Variants in AGAP1 observed in about 807,000 individuals in gnomAD.
AGAP1 encodes arf-GAP with GTPase, ANK repeat and PH domain-containing protein 1.
Under a neutral mutation model 105.3 loss-of-function variants are expected in AGAP1, and 29 were observed. The ratio of observed to expected loss-of-function variants is 0.28; its 90% confidence interval spans 0.21 to 0.38. The LOEUF (loss-of-function observed/expected upper bound fraction) is 0.38. Ranked by LOEUF, AGAP1 falls within the 10% of genes least tolerant of loss-of-function variation. The pLI is 1.00. For synonymous variants in AGAP1, 509 were observed against 485.9 expected, an observed-to-expected ratio of 1.05 and a Z score of -0.63; for missense variants, 998 against 1,165.1, an observed-to-expected ratio of 0.86 and a Z score of 2.09.
Position 235,633,192 on chromosome 2 carries a change from G to A in AGAP1, c.164-75987G>A, listed in dbSNP as rs546267602. On this transcript the variant is annotated intron_variant, in intron 1 of 17. Coordinates refer to ENST00000304032, the MANE Select transcript of AGAP1 (RefSeq NM_001037131.3). This position sits in a 1 kb window ranked among gnomAD's most constrained non-coding sequence, Gnocchi z 4.8. ...TACATTTACTTGATCCTGGTTTTAC[G>A]GCATGCGGGAGCCTACGGAATGAAG... 3.3e-5 allele frequency among the ~76,000 whole-genome samples: 5 copies of A among 152,210 alleles called. No individual in the cohort carries two copies. The South Asian group carries it at 1.0e-3, about 32-fold the overall frequency.
chr2:235,585,103 T>G (rs1945063508), intron 1 of AGAP1, among the ~76,000 whole-genome samples: 1 of 152,070 alleles, frequency 6.6e-6, no homozygotes, highest in African/African-American at 2.4e-5. Flanking sequence ...TTCCCTCTCT[T>G]GGCTGTGGAT....
At chr2:235,630,297 T>G (rs1163114935) in intron 1 of AGAP1, among the ~76,000 whole-genome samples, 1 of 152,110 alleles carries the variant, frequency 6.6e-6, no homozygotes, top group Non-Finnish European at 1.5e-5. Flanking sequence ...CACTGCAACC[T>G]CTGCTTCCCG....
rs10176836 is a variant in AGAP1, at chr2:235,976,392, G to A, written c.1645+7769G>A. ...CGGCCGCCACAAACACACACAAGCA[G>A]TAAGCGCTCTCAGATCCTTTGTGGA... is the stretch of plus-strand genomic sequence containing the variant. On this transcript the variant is annotated intron_variant, in intron 13 of 17. Coordinates refer to ENST00000304032, the MANE Select transcript of AGAP1 (RefSeq NM_001037131.3). This position sits in a 1 kb window ranked among gnomAD's most constrained non-coding sequence, Gnocchi z 4.5. Among the ~76,000 whole-genome samples, 237 of 152,232 alleles carry A rather than the reference G, an allele frequency of 1.6e-3. No homozygotes were observed. The highest frequency in any genetic ancestry group is 5.4e-3 in the African/African-American group (224 of 41,556).
At chr2:235,698,283 TCA>T (rs1301456654) in intron 1 of AGAP1, among the ~76,000 whole-genome samples, 1 of 141,800 alleles carries the variant, frequency 7.1e-6, no homozygotes, top group Non-Finnish European at 1.5e-5. Context: ...CTTTGCTTGC[TCA>T]CACGCTGCTC....
chr2:235,888,664 C>T lies in AGAP1; in HGVS notation c.1155+5215C>T, dbSNP rs901698571. On this transcript the variant is annotated intron_variant, in intron 10 of 17. Transcript: ENST00000304032. The surrounding 1 kb of genome is among the most constrained non-coding windows in gnomAD (Gnocchi z 4.8). ...GCTTCACAGTGAGCTATGATCGTGC[C>T]ACTGCACTCCAGCTTGGGCGACCAT... 6.6e-6 allele frequency among the ~76,000 whole-genome samples: 1 copy of T among 151,876 alleles called. No homozygotes were observed. The highest frequency in any genetic ancestry group is 2.4e-5 in the African/African-American group (1 of 41,324).
chr2:236,017,309 T>A (rs1192173859), intron 13 of AGAP1, among the ~76,000 whole-genome samples: 7 of 144,248 alleles, frequency 4.9e-5, no homozygotes, highest in Non-Finnish European at 1.1e-4. Context: ...AAAAAAAAAA[T>A]ACATTACAGA....
chr2:235,662,183 G>A lies in AGAP1; in HGVS notation c.164-46996G>A, dbSNP rs1363876570. Among the ~76,000 whole-genome samples the A allele has an allele frequency of 6.6e-6, 1 of 152,122 alleles. No individual in the cohort carries two copies. Among genetic ancestry groups the A allele is most frequent in the African/African-American group, 2.4e-5 (1 of 41,444 alleles). On this transcript the variant is annotated intron_variant, in intron 1 of 17. Transcript: ENST00000304032. The surrounding 1 kb of genome is among the most constrained non-coding windows in gnomAD (Gnocchi z 4.2). ...GGAGTGGCTGTAAGGCCGTGACCAG[G>A]AAAAAAGGGACCCAGGGTGGTGGCA...
chr2:235,517,530 A>G lies in AGAP1; in HGVS notation c.163+22681A>G, dbSNP rs929806920. 3.3e-5 allele frequency among the ~76,000 whole-genome samples: 5 copies of G among 152,222 alleles called. No individual in the cohort carries two copies. Among genetic ancestry groups the G allele is most frequent in the African/African-American group, 1.2e-4 (5 of 41,448 alleles). ...TTTTTACTGGAAAGAAGTAGCAGCC[A>G]TGAGGCAGGAGATCCTCTTTACTTT... is the stretch of plus-strand genomic sequence containing the variant. On this transcript the variant is annotated intron_variant, in intron 1 of 17. Transcript: ENST00000304032. This position sits in a 1 kb window ranked among gnomAD's most constrained non-coding sequence, Gnocchi z 4.1.
intron 1 of AGAP1, among the ~76,000 whole-genome samples, chr2:235,503,459 A>G (rs988703570): frequency 6.6e-6 from 1 of 152,066 alleles, no homozygotes; most frequent in Non-Finnish European, 1.5e-5. Flanking sequence ...ATTGGCGGGG[A>G]ACAGCATTGT....
At chr2:235,509,175 C>G (rs1941961563) in intron 1 of AGAP1, among the ~76,000 whole-genome samples, 1 of 152,188 alleles carries the variant, frequency 6.6e-6, no homozygotes, top group South Asian at 2.1e-4. Flanking sequence ...AATGCTTTTT[C>G]TACACTTACT....
intron 9 of AGAP1, among the ~76,000 whole-genome samples, chr2:235,821,709 C>G (rs1023062264): frequency 6.6e-6 from 1 of 152,080 alleles, no homozygotes; most frequent in African/African-American, 2.4e-5. Flanking sequence ...AGTAACTTAT[C>G]TATAGGCCTT....
intron 16 of AGAP1, among the ~76,000 whole-genome samples, chr2:236,103,618 G>A (rs139564456): frequency 6.5e-4 from 97 of 148,974 alleles, no homozygotes; most frequent in African/African-American, 2.2e-3. Context: ...GTCCAGAGCC[G>A]GAGTGCAATG....
intron 10 of AGAP1, among the ~76,000 whole-genome samples, chr2:235,892,929 C>T (rs541232046): frequency 7.9e-5 from 12 of 152,234 alleles, no homozygotes; most frequent in African/African-American, 1.4e-4. Context: ...AAAAGACAGA[C>T]CTCCCTTTCT....
chr2:235,563,798 G>A (rs1031454491), intron 1 of AGAP1, among the ~76,000 whole-genome samples: 1 of 152,174 alleles, frequency 6.6e-6, no homozygotes, highest in African/African-American at 2.4e-5. Context: ...GCACTGTGCT[G>A]GCTGCTGAAT....
intron 1 of AGAP1, among the ~76,000 whole-genome samples, chr2:235,602,587 A>C (rs1945766149): frequency 6.6e-6 from 1 of 152,176 alleles, no homozygotes; most frequent in Non-Finnish European, 1.5e-5. Flanking sequence ...CCCTTCCTTC[A>C]AGCCTTTGCT....
At chr2:235,674,369 T>C (rs952866800) in intron 1 of AGAP1, among the ~76,000 whole-genome samples, 8 of 152,194 alleles carry the variant, frequency 5.3e-5, no homozygotes, top group African/African-American at 1.7e-4. Context: ...AAATGATAAA[T>C]GACATTGTAG....
Position 236,038,819 on chromosome 2 carries a change from ATGTG to A in AGAP1, c.1801-1905_1801-1902del, listed in dbSNP as rs3030744. ...GAGAGACAGAGGCACATCCCTTTGT[ATGTG>A]TGTGTGTGTGTGTGTGTGTGTGTGT... On this transcript the variant is annotated intron_variant, in intron 14 of 17. Coordinates refer to ENST00000304032, the MANE Select transcript of AGAP1 (RefSeq NM_001037131.3). This position sits in a 1 kb window ranked among gnomAD's most constrained non-coding sequence, Gnocchi z 4.5. Among the ~76,000 whole-genome samples, 3,887 of 95,714 alleles carry A rather than the reference ATGTG, an allele frequency of 0.041. 117 individuals are homozygous for A. The highest frequency in any genetic ancestry group is 0.087 in the African/African-American group (3,002 of 34,620). 62.8% of individuals were successfully genotyped at this position (95,714 alleles called of 152,430 possible). A position where few individuals can be genotyped will look rare whatever the true frequency, so the allele number is the denominator to read the frequency against.
chr2:235,812,047 G>A (rs554891200), intron 9 of AGAP1, among the ~76,000 whole-genome samples: 23 of 152,260 alleles, frequency 1.5e-4, no homozygotes, highest in South Asian at 6.2e-4. Context: ...TGCGATGCCC[G>A]CCAAGGTGCT....
Position 235,747,476 on chromosome 2 carries a change from C to G in AGAP1, c.538+2637C>G, listed in dbSNP as rs938067410. ...ACAGGTAAGCTGGCCCCACGCCCTCCCGGGGTGAGCAGGTAAGCGGGCCCC... is the reference window on the plus strand; with the variant it reads ...ACAGGTAAGCTGGCCCCACGCCCTCGCGGGGTGAGCAGGTAAGCGGGCCCC... On this transcript the variant is annotated intron_variant, in intron 5 of 17. Transcript: ENST00000304032. This position sits in a 1 kb window ranked among gnomAD's most constrained non-coding sequence, Gnocchi z 5.0. 6.6e-6 allele frequency among the ~76,000 whole-genome samples: 1 copy of G among 151,898 alleles called. No individual in the cohort carries two copies. The highest frequency in any genetic ancestry group is 2.4e-5 in the African/African-American group (1 of 41,272).
Sources: gnomAD v4.1 joint callset for allele counts (sites outside exome capture counted in the v4.1 genomes callset) on GRCh38, gnomAD v4.1.1 for gene constraint, Gnocchi (gnomAD v3.1) non-coding constraint, MANE v1.5 for transcripts, NCBI Gene and HGNC (gene_info 2026-07-23, HGNC 2026-07-21) for gene names.